GUCY1A2: variants seen among roughly 807,000 people sequenced by gnomAD.
The protein encoded by GUCY1A2 is guanylate cyclase soluble subunit alpha-2.
In GUCY1A2, 27 loss-of-function variants were observed where a neutral mutation model predicts 63.5. The observed-to-expected ratio is 0.43, with a 90% CI of 0.31 to 0.59. The LOEUF is 0.59. GUCY1A2 is among the 20% of genes least tolerant of loss of function. The probability of loss-of-function intolerance (pLI) is 0.11; values close to 1 mark genes in which losing one functional copy is unlikely to be tolerated. For missense variants in GUCY1A2, 768 were observed against 913.3 expected (o/e 0.84, Z 2.05); for synonymous variants, 364 against 343.5 (o/e 1.06, Z -0.66).
At chr11:106,730,059 AATATATATATATAT>A (rs60486225) in intron 6 of GUCY1A2, among the ~76,000 whole-genome samples, 9,001 of 103,370 alleles carry the variant, frequency 0.087, 1,021 homozygotes, top group African/African-American at 0.26. Context: ...ATCAGCATGG[AATATATATATATAT>A]ATATATATAT....
At chr11:106,691,944 T>TG (rs985473140) in intron 7 of GUCY1A2, among the ~76,000 whole-genome samples, 2 of 152,094 alleles carry the variant, frequency 1.3e-5, no homozygotes, top group East Asian at 3.9e-4. Context: ...AATGACTTAC[T>TG]GGGGGGTTTG....
intron 1 of GUCY1A2, among the ~76,000 whole-genome samples, chr11:106,995,917 T>C (rs1861528503): frequency 6.6e-6 from 1 of 152,220 alleles, no homozygotes; most frequent in African/African-American, 2.4e-5. Context: ...TCAATTTGAG[T>C]ATTTCCAAAG....
intron 3 of GUCY1A2, among the ~76,000 whole-genome samples, chr11:106,961,973 T>C (rs1861063905): frequency 1.3e-5 from 2 of 152,158 alleles, no homozygotes; most frequent in South Asian, 4.1e-4. Flanking sequence ...ACTACTAACA[T>C]CCCTGTTTCA....
intron 6 of GUCY1A2, among the ~76,000 whole-genome samples, chr11:106,766,454 T>G (rs1209642994): frequency 6.6e-6 from 1 of 152,118 alleles, no homozygotes; most frequent in Non-Finnish European, 1.5e-5. Flanking sequence ...TAAAAAGACT[T>G]TAAAGATACA....
At chr11:106,838,642 T>C (rs993476090) in intron 4 of GUCY1A2, among the ~76,000 whole-genome samples, 13 of 151,880 alleles carry the variant, frequency 8.6e-5, no homozygotes, top group Admixed American at 5.3e-4. Flanking sequence ...ACAAATTTTC[T>C]GGGTTTCTTC....
intron 4 of GUCY1A2, among the ~76,000 whole-genome samples, chr11:106,852,649 T>C (rs1859372005): frequency 1.3e-5 from 2 of 152,134 alleles, no homozygotes; most frequent in Non-Finnish European, 2.9e-5. Context: ...ACTGAATCTC[T>C]GGGATTCCTA....
intron 2 of GUCY1A2, among the ~76,000 whole-genome samples, chr11:106,980,814 T>C (rs913824794): frequency 1.3e-5 from 2 of 152,160 alleles, no homozygotes; most frequent in African/African-American, 4.8e-5. Context: ...CTTACTACAG[T>C]TTCCAGAATG....
intron 6 of GUCY1A2, among the ~76,000 whole-genome samples, chr11:106,772,770 A>C (rs948016425): frequency 5.3e-5 from 8 of 152,178 alleles, no homozygotes; most frequent in African/African-American, 1.9e-4. Context: ...AAAATCCAAC[A>C]TCAAAAACAA....
intron 5 of GUCY1A2, among the ~76,000 whole-genome samples, chr11:106,790,637 G>C (rs1028666792): frequency 6.6e-6 from 1 of 151,866 alleles, no homozygotes; most frequent in South Asian, 2.1e-4. Flanking sequence ...TCTTGCTTAA[G>C]GCCCACAGAA....
intron 3 of GUCY1A2, among the ~76,000 whole-genome samples, chr11:106,947,922 T>C (rs916029352): frequency 1.3e-5 from 2 of 151,234 alleles, no homozygotes; most frequent in Non-Finnish European, 3.0e-5. Flanking sequence ...AACTATGGAG[T>C]AGGAATTAAT....
chr11:106,882,680 C>T (rs1319318188), intron 4 of GUCY1A2, among the ~76,000 whole-genome samples: 1 of 151,984 alleles, frequency 6.6e-6, no homozygotes, highest in Non-Finnish European at 1.5e-5. Flanking sequence ...TAACAGTTAT[C>T]TGTAATTTCC....
intron 4 of GUCY1A2, among the ~76,000 whole-genome samples, chr11:106,927,364 C>T (rs777931399): frequency 8.6e-5 from 13 of 151,234 alleles, no homozygotes; most frequent in Non-Finnish European, 1.5e-4. Context: ...CAGAGCGAGA[C>T]TCCGTCTCAA....
At chr11:106,991,480 T>C (rs765016435) in intron 1 of GUCY1A2, among the ~76,000 whole-genome samples, 60 of 152,200 alleles carry the variant, frequency 3.9e-4, no homozygotes, top group Non-Finnish European at 7.3e-5. Flanking sequence ...GATTTTCCAG[T>C]TGAATTGGTG....
intron 6 of GUCY1A2, among the ~76,000 whole-genome samples, chr11:106,755,064 T>G (rs1336094740): frequency 6.6e-6 from 1 of 152,196 alleles, no homozygotes; most frequent in Non-Finnish European, 1.5e-5. Flanking sequence ...GACTTCTTCC[T>G]GGTTTAGTCT....
In GUCY1A2 at chr11:106,971,144, A is replaced by C. The variant is rs1276273625; in HGVS notation, c.487+7475T>G. ...TTGGTATGATGTTATAATGGCAGTTATATGACATTATGCATTTTTCAATAC... is the reference window on the plus strand; with the variant it reads ...TTGGTATGATGTTATAATGGCAGTTCTATGACATTATGCATTTTTCAATAC... On this transcript the variant is annotated intron_variant, in intron 3 of 7. Coordinates refer to ENST00000526355, the MANE Select transcript of GUCY1A2 (RefSeq NM_000855.3). Among the ~76,000 whole-genome samples, 3 of 152,070 alleles carry C rather than the reference A, an allele frequency of 2.0e-5. No individual in the cohort carries two copies. In the East Asian group the frequency reaches 5.8e-4, roughly 29 times the overall value.
intron 7 of GUCY1A2, among the ~76,000 whole-genome samples, chr11:106,707,865 C>G (rs1317273864): frequency 2.0e-5 from 3 of 152,048 alleles, no homozygotes; most frequent in African/African-American, 7.2e-5. Flanking sequence ...CCTGGTATAG[C>G]AGAGCATTCA....
Position 106,996,321 on chromosome 11 carries a change from C to T in GUCY1A2, c.304-10190G>A, listed in dbSNP as rs192055681. On this transcript the variant is annotated intron_variant, in intron 1 of 7. Transcript: ENST00000526355. Reference sequence around the variant, plus strand: ...TTAGGAGCATATGGGCCCTCTGTCACAGTGAGAAAGATTATCCCTAAAGTA... The same window carrying T: ...TTAGGAGCATATGGGCCCTCTGTCATAGTGAGAAAGATTATCCCTAAAGTA... 1.6e-3 allele frequency among the ~76,000 whole-genome samples: 242 copies of T among 152,256 alleles called. 3 individuals are homozygous for T. The South Asian group carries it at 0.017, about 11-fold the overall frequency.
chr11:106,986,118 T>C lies in GUCY1A2; in HGVS notation c.317A>G (p.Gln106Arg). Residue 106 changes from glutamine (Q) to arginine (R), a missense_variant, in exon 2 of 8, where the codon CAG (glutamine) becomes CGG (arginine). Physicochemically the swap from Gln to Arg is conservative, Grantham distance 43. Coordinates refer to ENST00000526355, the MANE Select transcript of GUCY1A2 (RefSeq NM_000855.3). The part of the protein sequence containing the change: ...RLTAPSPQTI[Q>R]QTLKRTLQYY... ...CTGCAGTGTCCTCTTGAGAGTCTGC[T>C]GTATCGTCTGAGGCTACAGAATAAT... 1.4e-6 allele frequency: 2 copies of C among 1,473,412 alleles called. No homozygotes were observed. Among genetic ancestry groups the C allele is most frequent in the Non-Finnish European group, 1.9e-6 (2 of 1,051,948 alleles). The allele number at this position is 1,473,412 out of a possible 1,614,324, so 91.3% of individuals were successfully genotyped here.
At chr11:106,709,331 TA>T (rs1276050798) in intron 6 of GUCY1A2, among the ~76,000 whole-genome samples, 30 of 49,634 alleles carry the variant, frequency 6.0e-4, no homozygotes, top group East Asian at 2.7e-3. Flanking sequence ...ATATATTATA[TA>T]AATATATATA....
Sources: gnomAD v4.1 joint callset for allele counts (sites outside exome capture counted in the v4.1 genomes callset) on GRCh38, gnomAD v4.1.1 for gene constraint, MANE v1.5 for transcripts, NCBI Gene and HGNC (gene_info 2026-07-23, HGNC 2026-07-21) for gene names.